Variants in TRPM3 observed in about 807,000 individuals in gnomAD.
TRPM3 encodes transient receptor potential cation channel subfamily M member 3, also known as long transient receptor potential channel 3.
In TRPM3, 77 loss-of-function variants were observed where a neutral mutation model predicts 181.2. The ratio of observed to expected loss-of-function variants is 0.42; its 90% CI spans 0.35 to 0.51. The LOEUF (loss-of-function observed/expected upper bound fraction) is 0.51. TRPM3 is among the 20% of genes least tolerant of loss of function. The pLI is 0.01. For missense variants in TRPM3, 1,759 were observed against 2,196.7 expected, an observed-to-expected ratio of 0.80 and a Z score of 3.98; for synonymous variants, 745 against 796.4, an observed-to-expected ratio of 0.94 and a Z score of 1.09.
At chr9:70,835,627 A>G (rs1289927762) in intron 5 of TRPM3, among the ~76,000 whole-genome samples, 1 of 152,058 alleles carries the variant, frequency 6.6e-6, no homozygotes, top group African/African-American at 2.4e-5. Flanking sequence ...TCCTGCTCCT[A>G]CACGCTTGCC....
chr9:71,037,593 G>A (rs183638686), intron 1 of TRPM3, among the ~76,000 whole-genome samples: 3 of 152,318 alleles, frequency 2.0e-5, no homozygotes, highest in Admixed American at 2.0e-4. Flanking sequence ...TGAGTTACAC[G>A]ACTGCACTTC....
chr9:71,040,528 A>G (rs978127782), intron 1 of TRPM3, among the ~76,000 whole-genome samples: 8 of 152,204 alleles, frequency 5.3e-5, no homozygotes, highest in Admixed American at 2.0e-4. Flanking sequence ...CTTTGAATAA[A>G]CACTTTTAAA....
chr9:70,790,351 T>C (rs185980888), intron 6 of TRPM3, among the ~76,000 whole-genome samples: 77 of 152,312 alleles, frequency 5.1e-4, no homozygotes, highest in African/African-American at 1.7e-3. Context: ...AAGTGAGAGA[T>C]AACTTCCTGA....
intron 1 of TRPM3, among the ~76,000 whole-genome samples, chr9:71,325,904 C>T (rs573959454): frequency 6.6e-6 from 1 of 152,168 alleles, no homozygotes; most frequent in East Asian, 1.9e-4. Flanking sequence ...ACTGGATTCA[C>T]CTAGAGATTT....
At chr9:70,677,797 A>C (rs1317447294) in intron 9 of TRPM3, among the ~76,000 whole-genome samples, 1 of 152,206 alleles carries the variant, frequency 6.6e-6, no homozygotes, top group Non-Finnish European at 1.5e-5. Flanking sequence ...CAGAAGTGTC[A>C]GCTATGACCC....
intron 1 of TRPM3, among the ~76,000 whole-genome samples, chr9:70,871,403 C>A (rs1157149246): frequency 6.6e-6 from 1 of 151,836 alleles, no homozygotes; most frequent in African/African-American, 2.4e-5. Context: ...TTACCCGATT[C>A]TCTCCAGTCT....
At chr9:71,221,612 T>C (rs1406179865) in intron 1 of TRPM3, among the ~76,000 whole-genome samples, 2 of 152,298 alleles carry the variant, frequency 1.3e-5, no homozygotes, top group Non-Finnish European at 2.9e-5. Context: ...CTGTAGCTAA[T>C]AGTGGCTCAT....
chr9:70,618,181 C>T (rs1259926191), intron 17 of TRPM3, among the ~76,000 whole-genome samples: 1 of 152,168 alleles, frequency 6.6e-6, no homozygotes, highest in African/African-American at 2.4e-5. Flanking sequence ...ATCCTATTTC[C>T]CTTAAAAACA....
chr9:70,916,926 A>G, intron 1 of TRPM3: 2 of 1,072,044 alleles, frequency 1.9e-6, no homozygotes, highest in Admixed American at 4.8e-5. Flanking sequence ...CTCTTTAGAT[A>G]CTGATGGTGG....
At chr9:70,995,171 G>A (rs544874636) in intron 1 of TRPM3, among the ~76,000 whole-genome samples, 4 of 152,250 alleles carry the variant, frequency 2.6e-5, no homozygotes, top group Non-Finnish European at 4.4e-5. Flanking sequence ...TAGTCTACAA[G>A]TCTCTACAGT....
intron 1 of TRPM3, chr9:70,869,056 G>C: frequency 6.1e-6 from 6 of 985,166 alleles, no homozygotes; most frequent in Non-Finnish European, 6.0e-6. Context: ...TTTTGCTGCA[G>C]CTAGGGCTGG....
rs982984427 is a variant in TRPM3, at chr9:71,236,128, G to A, written c.183+210525C>T. On this transcript the variant is annotated intron_variant, in intron 1 of 24. Coordinates refer to the TRPM3 transcript ENST00000357533. ...CTACAAAAACCACTGCCAGGGATAC[G>A]TAAATTAACTGTCTCCATTCTCAAA... Among the ~76,000 whole-genome samples, 27 of 152,252 alleles carry A rather than the reference G, an allele frequency of 1.8e-4. 1 individual carries two copies. Among genetic ancestry groups the A allele is most frequent in the South Asian group, 4.1e-4 (2 of 4,826 alleles).
chr9:70,577,036 A>AGTCCTTGCCGCAGTGACTCTTGATCCT (rs1460431977), intron 22 of TRPM3, among the ~76,000 whole-genome samples: 2 of 152,136 alleles, frequency 1.3e-5, no homozygotes, highest in Non-Finnish European at 2.9e-5. Flanking sequence ...TGTGTGCCCA[A>AGTCCTTGCCGCAGTGACTCTTGATCCT]GTCCTTGCCG....
At chr9:71,431,802 C>A (rs895489731) in intron 1 of TRPM3, among the ~76,000 whole-genome samples, 2 of 152,146 alleles carry the variant, frequency 1.3e-5, no homozygotes, top group African/African-American at 4.8e-5. Flanking sequence ...ATTGAAACAG[C>A]CTGGTATTAA....
At chr9:71,149,454 G>A (rs925919213) in intron 1 of TRPM3, among the ~76,000 whole-genome samples, 2 of 151,992 alleles carry the variant, frequency 1.3e-5, no homozygotes, top group East Asian at 1.9e-4. Flanking sequence ...ACCTGAAAAC[G>A]AAGACAGTAA....
chr9:70,606,168 G>A (rs1469395015), intron 19 of TRPM3, among the ~76,000 whole-genome samples: 1 of 152,032 alleles, frequency 6.6e-6, no homozygotes, highest in Non-Finnish European at 1.5e-5. Flanking sequence ...TTCCTTATAG[G>A]GCCTTTATAA....
chr9:71,213,722 GA>G (rs1230674746), intron 1 of TRPM3, among the ~76,000 whole-genome samples: 4 of 152,154 alleles, frequency 2.6e-5, no homozygotes, highest in Non-Finnish European at 4.4e-5. Context: ...ATTCTCAACA[GA>G]TTGTTACAAA....
intron 1 of TRPM3, among the ~76,000 whole-genome samples, chr9:71,336,975 C>T (rs570889825): frequency 2.1e-4 from 32 of 152,172 alleles, no homozygotes; most frequent in African/African-American, 7.2e-4. Context: ...AAGACTTCAA[C>T]GTAAGATCTA....
At chr9:71,199,297 G>C (rs1393288700) in intron 1 of TRPM3, among the ~76,000 whole-genome samples, 1 of 151,922 alleles carries the variant, frequency 6.6e-6, no homozygotes, top group African/African-American at 2.4e-5. Context: ...GAGGATTTTT[G>C]CATCAATATT....
Sources: gnomAD v4.1 joint callset for allele counts (sites outside exome capture counted in the v4.1 genomes callset) on GRCh38, gnomAD v4.1.1 for gene constraint, MANE v1.5 for transcripts, NCBI Gene and HGNC (gene_info 2026-07-23, HGNC 2026-07-21) for gene names.